HNF1B: variants seen among roughly 807,000 people sequenced by gnomAD.
HNF1B encodes hepatocyte nuclear factor 1-beta.
In HNF1B, 8 loss-of-function variants were observed where a neutral mutation model predicts 61.7. That is an observed-to-expected ratio of 0.13 (90% CI 0.08 to 0.23). The LOEUF (loss-of-function observed/expected upper bound fraction) is 0.23. HNF1B is among the 10% of genes least tolerant of loss of function. The pLI, the probability that HNF1B is intolerant of heterozygous loss-of-function variation, is 1.00. For missense variants in HNF1B, 562 were observed against 714.5 expected (o/e 0.79, Z 2.43); for synonymous variants, 314 against 287.7 (o/e 1.09, Z -0.93).
chr17:37,712,046 A>T (rs2032951185), intron 4 of HNF1B, among the ~76,000 whole-genome samples: 1 of 152,202 alleles, frequency 6.6e-6, no homozygotes, highest in Non-Finnish European at 1.5e-5. Flanking sequence ...CTTCCTAAGG[A>T]CTTTACCCAA....
chr17:37,720,884 T>C, intron 4 of HNF1B: 1 of 985,398 alleles, frequency 1.0e-6, no homozygotes, highest in Non-Finnish European at 1.2e-6. Flanking sequence ...TTCCCCTGGC[T>C]GTAGGGTTGT....
chr17:37,723,810 A>G (rs1477985667), intron 4 of HNF1B, among the ~76,000 whole-genome samples: 1 of 152,204 alleles, frequency 6.6e-6, no homozygotes, highest in Non-Finnish European at 1.5e-5. Flanking sequence ...TATTTATGAG[A>G]ATCTGGTATG....
rs13339672 is a variant in HNF1B at position 37,699,296 on chromosome 17, T to C, written c.1535-102A>G. The C allele has an allele frequency of 0.041, 35,997 of 868,700 alleles. 1,208 individuals carry two copies. The highest frequency in any genetic ancestry group is 0.14 in the African/African-American group (8,806 of 60,802). The allele number at this position is 868,700 out of a possible 1,614,324, so 53.8% of individuals were successfully genotyped here. ...CATAGCTCCCATCTCCTCAGGTAGA[T>C]AAAAGGGCTGGTGGTTATAGTGGGG... On this transcript the variant is annotated intron_variant, in intron 7 of 8. Transcript: ENST00000617811.
intron 4 of HNF1B, among the ~76,000 whole-genome samples, chr17:37,713,568 C>T (rs959261880): frequency 6.6e-6 from 1 of 152,214 alleles, no homozygotes; most frequent in Admixed American, 6.5e-5. Context: ...TGAGCCTAGA[C>T]CTTTGAACGT....
chr17:37,696,722 A>G (rs1429117569), intron 8 of HNF1B, among the ~76,000 whole-genome samples: 1 of 152,242 alleles, frequency 6.6e-6, no homozygotes, highest in Non-Finnish European at 1.5e-5. Flanking sequence ...CCAGAAATGA[A>G]TTTGAAATTC....
At chr17:37,732,167 A>G (rs979963333) in intron 3 of HNF1B, among the ~76,000 whole-genome samples, 4 of 152,158 alleles carry the variant, frequency 2.6e-5, no homozygotes, top group Admixed American at 2.6e-4. Context: ...TTATTTAGCC[A>G]TTCTTCCCAC....
chr17:37,744,914 G>C lies in HNF1B; in HGVS notation c.-30C>G, dbSNP rs750748689. ...CAAGGACGGAAAAAGAAGGGGGTGA[G>C]GGGGTGGGTGGGTGCGAGAGAGGAG... On this transcript the variant is annotated 5_prime_UTR_variant, in exon 1 of 9. Transcript: ENST00000617811. The C allele has an allele frequency of 6.8e-7, 1 of 1,471,414 alleles. No individual in the cohort carries two copies. The allele number at this position is 1,471,414 out of a possible 1,614,324, so 91.1% of individuals were successfully genotyped here. A position where few individuals can be genotyped will look rare whatever the true frequency, so the allele number is the denominator to read the frequency against.
At chr17:37,721,537 G>C (rs1325682013) in intron 4 of HNF1B, among the ~76,000 whole-genome samples, 1 of 152,026 alleles carries the variant, frequency 6.6e-6, no homozygotes, top group African/African-American at 2.4e-5. Context: ...TTCACCCAAG[G>C]TCACCCTTGC....
chr17:37,728,418 T>C (rs1311780326), intron 4 of HNF1B, among the ~76,000 whole-genome samples: 1 of 151,704 alleles, frequency 6.6e-6, no homozygotes, highest in African/African-American at 2.4e-5. Context: ...GCCATTCTCC[T>C]GCCTCAGCCT....
chr17:37,699,057 C>G lies in HNF1B; in HGVS notation c.1653+19G>C. 6.3e-7 allele frequency: 1 copy of G among 1,582,394 alleles called. No homozygotes were observed. Among genetic ancestry groups the G allele is most frequent in the East Asian group, 2.2e-5 (1 of 44,738 alleles). ...CACCCTGCCCACACCCCAACCCCCG[C>G]AAATCCTGCTGGCATTACCTGTTTA... On this transcript the variant is annotated intron_variant, in intron 8 of 8. Transcript: ENST00000617811.
chr17:37,715,696 A>G (rs1288791404), intron 4 of HNF1B, among the ~76,000 whole-genome samples: 2 of 152,230 alleles, frequency 1.3e-5, no homozygotes, highest in Admixed American at 1.3e-4. Context: ...ACTGCTTCAC[A>G]GTAACTCACA....
intron 6 of HNF1B, among the ~76,000 whole-genome samples, chr17:37,701,582 G>T (rs2032573359): frequency 6.6e-6 from 1 of 152,222 alleles, no homozygotes; most frequent in African/African-American, 2.4e-5. Context: ...TGAGGCACAG[G>T]TTATTGCCCA....
intron 8 of HNF1B, among the ~76,000 whole-genome samples, chr17:37,696,500 G>A (rs546263201): frequency 1.4e-4 from 21 of 152,172 alleles, no homozygotes; most frequent in South Asian, 6.2e-4. Flanking sequence ...TCTCCCTCCT[G>A]CTCACACTCT....
intron 8 of HNF1B, among the ~76,000 whole-genome samples, chr17:37,692,592 C>T (rs1349536198): frequency 2.0e-5 from 3 of 151,368 alleles, no homozygotes; most frequent in African/African-American, 2.4e-5. Context: ...TCAAAAAACA[C>T]GGGTTCTGCA....
At chr17:37,719,854 T>C (rs551417025) in intron 4 of HNF1B, among the ~76,000 whole-genome samples, 2 of 152,354 alleles carry the variant, frequency 1.3e-5, no homozygotes, top group African/African-American at 2.4e-5. Context: ...TACTGGGAGA[T>C]GATACCCAGG....
In HNF1B at chr17:37,697,968, G is replaced by A. The variant is rs115686045; in HGVS notation, c.1653+1108C>T. 5.0e-3 allele frequency among the ~76,000 whole-genome samples: 762 copies of A among 152,220 alleles called. 3 individuals carry two copies. The highest frequency in any genetic ancestry group is 0.017 in the African/African-American group (723 of 41,522). ...AGAAATGAAGGCTCAGGGAGGTCAAGGTCACCAAGCAAATGGCAGAACCAG... is the reference window on the plus strand; with the variant it reads ...AGAAATGAAGGCTCAGGGAGGTCAAAGTCACCAAGCAAATGGCAGAACCAG... On this transcript the variant is annotated intron_variant, in intron 8 of 8. Transcript: ENST00000617811.
intron 1 of HNF1B, among the ~76,000 whole-genome samples, chr17:37,743,100 G>A (rs2034048996): frequency 6.6e-6 from 1 of 152,242 alleles, no homozygotes; most frequent in Non-Finnish European, 1.5e-5. Context: ...GGGGCTGGGT[G>A]CGGAGGGGCG....
intron 4 of HNF1B, among the ~76,000 whole-genome samples, chr17:37,725,494 G>A (rs997827573): frequency 2.0e-5 from 3 of 152,218 alleles, no homozygotes; most frequent in Non-Finnish European, 4.4e-5. Context: ...CCCAGTGGCA[G>A]CTGATGGGGT....
At chr17:37,688,646 T>C (rs957591542) in intron 8 of HNF1B, among the ~76,000 whole-genome samples, 1 of 152,328 alleles carries the variant, frequency 6.6e-6, no homozygotes, top group South Asian at 2.1e-4. Context: ...CAATCATGCT[T>C]GGAGGTGAGG....
Sources: allele counts gnomAD v4.1 joint callset (sites outside exome capture counted in the v4.1 genomes callset), GRCh38; gene constraint gnomAD v4.1.1; transcripts MANE v1.5; gene names NCBI Gene and HGNC (gene_info 2026-07-23, HGNC 2026-07-21).